Variants in MYH9 observed in about 807,000 individuals in gnomAD.
MYH9 encodes myosin-9.
MYH9 carries 29 observed loss-of-function variants against 241.9 expected under a neutral mutation model. The observed-to-expected ratio is 0.12, with a 90% CI of 0.09 to 0.16. The LOEUF is 0.16. MYH9 is among the 10% of genes least tolerant of loss of function. MYH9 has a pLI of 1.00. For synonymous variants in MYH9, 1,047 were observed against 1,062.6 expected (o/e 0.99, Z 0.29); for missense variants, 1,803 against 2,595.5 (o/e 0.69, Z 6.63).
chr22:36,355,645 T>C (rs1326957253), intron 1 of MYH9, among the ~76,000 whole-genome samples: 1 of 152,220 alleles, frequency 6.6e-6, no homozygotes, highest in Non-Finnish European at 1.5e-5. Context: ...AAGCGCTGCA[T>C]GTTCTCACTC....
In MYH9 at chr22:36,322,490, T is replaced by C. The variant is rs763616997; in HGVS notation, c.644A>G (p.Asn215Ser). 1 of 1,613,688 alleles carries C rather than the reference T, an allele frequency of 6.2e-7. No homozygotes were observed. Residue 215 changes from asparagine to serine, a missense_variant, in exon 6 of 41, where the codon AAC becomes AGC. This residue lies in a region of MYH9 where 222 missense variants were observed against 359.9 expected (regional missense o/e 0.62). Transcript: ENST00000216181. ...GELERQLLQA[N>S]PILEAFGNAK... ...GTTCCCGAAGGCCTCCAGGATGGGG[T>C]TGGCCTGCAGCAGCTGCCGCTCCAG...
intron 2 of MYH9, among the ~76,000 whole-genome samples, chr22:36,347,814 AAAAAAC>A (rs1277650471): frequency 3.0e-5 from 4 of 131,442 alleles, no homozygotes; most frequent in Admixed American, 2.5e-4. Context: ...AAAAAAAAAA[AAAAAAC>A]AATAGTAAGA....
In MYH9 at chr22:36,367,219, G is replaced by T. The variant is rs138529607; in HGVS notation, c.-19-17964C>A. On this transcript the variant is annotated intron_variant, in intron 1 of 40. Coordinates refer to ENST00000216181, the MANE Select transcript of MYH9 (RefSeq NM_002473.6). ...CCTCCGGAGGGTTAAGCAGGATCTC[G>T]CTGAGGAAGCAAAGCTGTGGACAGA... 4.6e-5 allele frequency among the ~76,000 whole-genome samples: 7 copies of T among 152,136 alleles called. No individual in the cohort carries two copies. The South Asian group carries it at 1.5e-3, about 32-fold the overall frequency.
intron 31 of MYH9, among the ~76,000 whole-genome samples, chr22:36,289,769 C>G (rs1276670590): frequency 2.0e-5 from 3 of 152,206 alleles, no homozygotes; most frequent in Non-Finnish European, 4.4e-5. Context: ...CCACCTGGCT[C>G]TATCCTATTT....
At chr22:36,316,088 A>G (rs905424862) in intron 12 of MYH9, among the ~76,000 whole-genome samples, 1 of 134,708 alleles carries the variant, frequency 7.4e-6, no homozygotes, top group Non-Finnish European at 1.5e-5. Context: ...CCCAGGCTGG[A>G]GTGCAATGGC....
Position 36,320,949 on chromosome 22 carries a change from T to A in MYH9, c.770-53A>T. The A allele has an allele frequency of 6.7e-7, 1 of 1,502,548 alleles. No homozygotes were observed. The highest frequency in any genetic ancestry group is 1.2e-5 in the South Asian group (1 of 85,020). 93.1% of individuals were successfully genotyped at this position (1,502,548 alleles called of 1,614,324 possible). ...GCTGGGGAGAAGGCAAGCCCTCCAC[T>A]TTCCTCATTTTTTTTTTTTTGGAGA... On this transcript the variant is annotated intron_variant, in intron 7 of 40. Transcript: ENST00000216181. This position sits in a 1 kb window ranked among gnomAD's most constrained non-coding sequence, Gnocchi z 4.8.
At chr22:36,336,257 A>C (rs1443231307) in intron 3 of MYH9, among the ~76,000 whole-genome samples, 1 of 152,256 alleles carries the variant, frequency 6.6e-6, no homozygotes, top group Non-Finnish European at 1.5e-5. Flanking sequence ...AACTGGGCTC[A>C]TGTCAAATTC....
intron 1 of MYH9, among the ~76,000 whole-genome samples, chr22:36,384,401 G>A (rs2146431392): frequency 6.7e-6 from 1 of 149,784 alleles, no homozygotes; most frequent in South Asian, 2.1e-4. Context: ...TGGCCAACAT[G>A]GTGAAACCTC....
chr22:36,301,370 G>A (rs1288742783), intron 21 of MYH9, among the ~76,000 whole-genome samples, 164 bp downstream of exon 21: 2 of 152,204 alleles, frequency 1.3e-5, no homozygotes, highest in South Asian at 2.1e-4. Context: ...AACACCCAAT[G>A]GGGTCTGCAG....
At position 36,295,001 on chromosome 22, in the gene MYH9, G is replaced by C; in HGVS notation, c.3561C>G (p.Ile1187Met). The change falls in exon 27 of 41, where the codon ATC (isoleucine) becomes ATG (methionine). Residue 1187 changes from isoleucine to methionine, a missense_variant. By Grantham distance (10) the Ile-to-Met change is conservative. This residue lies in a region of MYH9 where 876 missense variants were observed against 1,077.8 expected (regional missense o/e 0.81). Coordinates refer to ENST00000216181, the MANE Select transcript of MYH9 (RefSeq NM_002473.6). This position sits in a 1 kb window ranked among gnomAD's most constrained non-coding sequence, Gnocchi z 4.1. ...EEEAKTHEAQIQEMRQKHSQA... is the reference protein window; with the variant it reads ...EEEAKTHEAQMQEMRQKHSQA... ...GTGAGTGCTTCTGCCTCATCTCCTG[G>C]ATCTGGGCCTCGTGGGTCTTGGCCT... 1.9e-6 allele frequency: 3 copies of C among 1,614,188 alleles called. No individual in the cohort carries two copies. Among genetic ancestry groups the C allele is most frequent in the Non-Finnish European group, 1.7e-6 (2 of 1,180,034 alleles).
In MYH9 at chr22:36,288,207, C is replaced by A. The variant is rs373352225; in HGVS notation, c.4932+45G>T. ...CTGGCACCTTCATATGTAGTTGGCT[C>A]AGTCGGGTGCCGCCCACCCTCACCT... On this transcript the variant is annotated intron_variant, in intron 34 of 40. Transcript: ENST00000216181. This position sits in a 1 kb window ranked among gnomAD's most constrained non-coding sequence, Gnocchi z 4.8. 5 of 1,610,004 alleles carry A rather than the reference C, an allele frequency of 3.1e-6. No individual in the cohort carries two copies. Among genetic ancestry groups the A allele is most frequent in the Admixed American group, 3.3e-5 (2 of 60,004 alleles).
In MYH9 at chr22:36,290,338, CAA is replaced by C. The variant is rs530199922; in HGVS notation, c.4345-1043_4345-1042del. 1.2e-3 allele frequency among the ~76,000 whole-genome samples: 64 copies of C among 53,708 alleles called. 1 individual carries two copies. The highest frequency in any genetic ancestry group is 1.9e-3 in the African/African-American group (33 of 17,498). The allele number at this position is 53,708 out of a possible 152,430, so 35.2% of individuals were successfully genotyped here. ...CTGGGCAACAGACAGAGACAGTCTC[CAA>C]AAAAAAAAAAAAAAAAAACCCAAAC... On this transcript the variant is annotated intron_variant, in intron 31 of 40. Coordinates refer to ENST00000216181, the MANE Select transcript of MYH9 (RefSeq NM_002473.6).
At position 36,285,576 on chromosome 22, in the gene MYH9, G is replaced by A. The variant is rs1440374929; in HGVS notation, c.5274+82C>T. The A allele has an allele frequency of 1.9e-6, 3 of 1,592,402 alleles. No individual in the cohort carries two copies. The highest frequency in any genetic ancestry group is 1.3e-5 in the African/African-American group (1 of 74,706). On this transcript the variant is annotated intron_variant, in intron 37 of 40. Transcript: ENST00000216181. The surrounding 1 kb of genome is among the most constrained non-coding windows in gnomAD (Gnocchi z 7.0). ...GGGGAGCAGCTGGCACTTGGCCTGT[G>A]CTTCTGCCGGCTGGGTCCAAGGCCA...
intron 1 of MYH9, among the ~76,000 whole-genome samples, chr22:36,366,782 A>C (rs1379318853): frequency 6.6e-6 from 1 of 152,130 alleles, no homozygotes; most frequent in Non-Finnish European, 1.5e-5. Flanking sequence ...AAATACAAGA[A>C]GGATCATCAG....
chr22:36,372,357 T>C (rs1331693062), intron 1 of MYH9, among the ~76,000 whole-genome samples: 2 of 151,868 alleles, frequency 1.3e-5, no homozygotes, highest in Non-Finnish European at 2.9e-5. Flanking sequence ...GGTGTGGTGG[T>C]GTGCACCTGT....
At chr22:36,316,304 G>C (rs2017150164) in intron 12 of MYH9, among the ~76,000 whole-genome samples, 1 of 149,924 alleles carries the variant, frequency 6.7e-6, no homozygotes. Flanking sequence ...AAAGTGCTGG[G>C]ATTACAGGCA....
At chr22:36,348,841 G>GCACC in intron 2 of MYH9, 63 bp downstream of exon 2, 1 of 1,041,770 alleles carries the variant, frequency 9.6e-7, no homozygotes, top group East Asian at 5.6e-5. Flanking sequence ...GGGAAGACCC[G>GCACC]CCCCCCCCCC....
At chr22:36,290,741 G>C (rs2016678865) in intron 31 of MYH9, among the ~76,000 whole-genome samples, 1 of 151,684 alleles carries the variant, frequency 6.6e-6, no homozygotes, top group Admixed American at 6.6e-5. Flanking sequence ...TAGGAAGTGA[G>C]GAGCGTCTCT....
At chr22:36,321,111 C>A (rs1335467998) in intron 7 of MYH9, among the ~76,000 whole-genome samples, 3 of 152,148 alleles carry the variant, frequency 2.0e-5, no homozygotes, top group African/African-American at 7.2e-5. Flanking sequence ...CACCACCACA[C>A]CCAGCTAATT....
Sources: allele counts gnomAD v4.1 joint callset (sites outside exome capture counted in the v4.1 genomes callset), GRCh38; gene constraint gnomAD v4.1.1; regional missense constraint gnomAD v4.1.1; non-coding constraint Gnocchi (gnomAD v3.1); transcripts MANE v1.5; gene names NCBI Gene and HGNC (gene_info 2026-07-23, HGNC 2026-07-21).